SV2C: variants seen among roughly 807,000 people sequenced by gnomAD.
The protein encoded by SV2C is solute carrier family 22 member B3.
SV2C carries 49 observed loss-of-function variants against 79.7 expected under a neutral mutation model. That is an observed-to-expected ratio of 0.61 (90% confidence interval 0.49 to 0.78). The LOEUF (loss-of-function observed/expected upper bound fraction) is 0.78, where lower values mean the gene tolerates loss of function less well. Among genes scored for constraint, SV2C ranks in the 30% least tolerant of loss-of-function variants. The pLI is 0.00. For synonymous variants in SV2C, 334 were observed against 333.2 expected (o/e 1.00, Z -0.03); for missense variants, 833 against 912.9 (o/e 0.91, Z 1.13).
intron 2 of SV2C, among the ~76,000 whole-genome samples, chr5:76,133,394 G>C (rs752084687): frequency 1.2e-4 from 18 of 152,156 alleles, no homozygotes; most frequent in Non-Finnish European, 2.2e-4. Context: ...ACTTTATTAA[G>C]TAATGTTATT....
At chr5:75,849,089 C>CTA in the SV2C span, among the ~76,000 whole-genome samples, 1 of 152,182 alleles carries the variant, frequency 6.6e-6, no homozygotes, top group Non-Finnish European at 1.5e-5. Context: ...AAAGAAGTCT[C>CTA]TGAGTGGGTA....
rs531552490 is a variant in SV2C at position 76,282,325 on chromosome 5, T to C, written c.914-2837T>C. Reference sequence around the variant, plus strand: ...TTTACATTCACCAGACTATGGAGGATTCACCCCCAGACTGGGAAGTAACAG... The same window carrying C: ...TTTACATTCACCAGACTATGGAGGACTCACCCCCAGACTGGGAAGTAACAG... On this transcript the variant is annotated intron_variant, in intron 4 of 12. Transcript: ENST00000502798. Among the ~76,000 whole-genome samples the C allele has an allele frequency of 6.6e-5, 10 of 152,338 alleles. 1 individual carries two copies. Among genetic ancestry groups the C allele is most frequent in the Non-Finnish European group, 1.5e-4 (10 of 68,032 alleles).
At chr5:76,276,659 C>A (rs1747031840) in intron 4 of SV2C, among the ~76,000 whole-genome samples, 1 of 143,862 alleles carries the variant, frequency 7.0e-6, no homozygotes, top group South Asian at 2.2e-4. Context: ...TTTTTTGAGA[C>A]AGCATCTCAC....
intron 4 of SV2C, among the ~76,000 whole-genome samples, chr5:76,218,619 G>A (rs556221770): frequency 3.1e-4 from 47 of 152,292 alleles, no homozygotes; most frequent in African/African-American, 1.1e-3. Context: ...AGGGAGGCAA[G>A]GGGAGGGAGA....
the SV2C span, chr5:75,910,930 A>G: frequency 2.2e-6 from 2 of 921,078 alleles, no homozygotes; most frequent in Admixed American, 3.4e-5. Context: ...TGAAGGGACT[A>G]TCAAGCAGCA....
chr5:75,869,416 T>A, the SV2C span, among the ~76,000 whole-genome samples: 1 of 152,192 alleles, frequency 6.6e-6, no homozygotes, highest in African/African-American at 2.4e-5. Context: ...GTGAGGCTCA[T>A]CTGCCTTTGG....
At position 76,083,507 on chromosome 5, in the gene SV2C, G is replaced by A. The variant is rs1230759146; in HGVS notation, c.-107G>A. 1 of 152,326 alleles carries A rather than the reference G, an allele frequency of 6.6e-6. No homozygotes were observed. Among genetic ancestry groups the A allele is most frequent in the African/African-American group, 2.4e-5 (1 of 41,464 alleles). 9.4% of individuals were successfully genotyped at this position (152,326 alleles called of 1,614,324 possible). A position where few individuals can be genotyped will look rare whatever the true frequency, so the allele number is the denominator to read the frequency against. On this transcript the variant is annotated 5_prime_UTR_variant, in exon 1 of 13. Transcript: ENST00000502798. Reference sequence around the variant, plus strand: ...CTCAGGGCAAGGGTGTCCGACGGCTGGAGCGGTGAGTGGGGGAGGTGAAGC... The same window carrying A: ...CTCAGGGCAAGGGTGTCCGACGGCTAGAGCGGTGAGTGGGGGAGGTGAAGC...
At chr5:76,145,245 G>C (rs995612524) in intron 2 of SV2C, among the ~76,000 whole-genome samples, 1 of 152,200 alleles carries the variant, frequency 6.6e-6, no homozygotes, top group Non-Finnish European at 1.5e-5. Flanking sequence ...GTTAAAGTCA[G>C]ATGCTGCTCT....
At chr5:75,969,422 G>C in the SV2C span, among the ~76,000 whole-genome samples, 1 of 152,086 alleles carries the variant, frequency 6.6e-6, no homozygotes, top group Non-Finnish European at 1.5e-5. Context: ...CTGTATTCAG[G>C]AAACCCATTT....
chr5:76,061,952 G>A, the SV2C span, among the ~76,000 whole-genome samples: 4 of 93,608 alleles, frequency 4.3e-5, no homozygotes, highest in East Asian at 1.7e-3. Context: ...GCAAATTTTG[G>A]CTTTTTTTTA....
At chr5:75,960,699 A>C in the SV2C span, among the ~76,000 whole-genome samples, 1 of 152,128 alleles carries the variant, frequency 6.6e-6, no homozygotes, top group African/African-American at 2.4e-5. Context: ...AGTGACAAAA[A>C]TCACCTAACA....
chr5:75,953,529 AC>A, the SV2C span, among the ~76,000 whole-genome samples: 1 of 152,022 alleles, frequency 6.6e-6, no homozygotes, highest in African/African-American at 2.4e-5. Flanking sequence ...CAACTTTTTA[AC>A]CTAATGTGCT....
At chr5:75,893,099 T>C in the SV2C span, among the ~76,000 whole-genome samples, 1 of 152,120 alleles carries the variant, frequency 6.6e-6, no homozygotes, top group African/African-American at 2.4e-5. Context: ...ATTTTTTAAT[T>C]TTTTAGTGAT....
chr5:76,314,162 G>A (rs995340788), intron 12 of SV2C, among the ~76,000 whole-genome samples: 3 of 152,198 alleles, frequency 2.0e-5, no homozygotes, highest in South Asian at 2.1e-4. Context: ...CTAGGTGAAT[G>A]AATGAATGAA....
chr5:76,030,781 A>G, the SV2C span, among the ~76,000 whole-genome samples: 1 of 152,060 alleles, frequency 6.6e-6, no homozygotes, highest in South Asian at 2.1e-4. Flanking sequence ...AGAAAGAAAA[A>G]GAAAAAAAAG....
rs558069420 is a variant in SV2C at position 76,309,531 on chromosome 5, C to T, written c.2000+7986C>T. On this transcript the variant is annotated intron_variant, in intron 12 of 12. Coordinates refer to ENST00000502798, the MANE Select transcript of SV2C (RefSeq NM_014979.4). Reference sequence around the variant, plus strand: ...AGGAGAATGGCGTGAACCCGGGAGGCGGAGCTTGCAGTGAGCCGAGATCGC... The same window carrying T: ...AGGAGAATGGCGTGAACCCGGGAGGTGGAGCTTGCAGTGAGCCGAGATCGC... Among the ~76,000 whole-genome samples the T allele has an allele frequency of 6.1e-5, 8 of 130,498 alleles. No individual in the cohort carries two copies. The South Asian group carries it at 1.1e-3, about 18-fold the overall frequency. The allele number at this position is 130,498 out of a possible 152,430, so 85.6% of individuals were successfully genotyped here.
chr5:76,206,209 C>T (rs1394853644), intron 3 of SV2C, among the ~76,000 whole-genome samples: 1 of 152,072 alleles, frequency 6.6e-6, no homozygotes, highest in Non-Finnish European at 1.5e-5. Context: ...TCAAAACTTA[C>T]CAGAGGAACC....
At chr5:75,883,856 A>C in the SV2C span, among the ~76,000 whole-genome samples, 156 of 120,924 alleles carry the variant, frequency 1.3e-3, no homozygotes, top group African/African-American at 7.8e-3. Context: ...AAAAAAAAAC[A>C]AAAAAAAAAC....
At chr5:76,133,487 C>A (rs74752722) in intron 2 of SV2C, among the ~76,000 whole-genome samples, 17,517 of 152,224 alleles carry the variant, frequency 0.12, 2,753 homozygotes, top group African/African-American at 0.36. Context: ...AAGAGAGATA[C>A]TCATGAATGA....
Sources: allele counts gnomAD v4.1 joint callset (sites outside exome capture counted in the v4.1 genomes callset), GRCh38; gene constraint gnomAD v4.1.1; transcripts MANE v1.5; gene names NCBI Gene and HGNC (gene_info 2026-07-23, HGNC 2026-07-21).